The following TLE2 variants were observed in gnomAD, a reference collection of about 807,000 sequenced individuals.
The protein encoded by TLE2 is transducin-like enhancer protein 2.
In TLE2, 74 loss-of-function variants were observed where a neutral mutation model predicts 97.2. The ratio of observed to expected loss-of-function variants is 0.76; its 90% CI spans 0.63 to 0.92. The LOEUF (loss-of-function observed/expected upper bound fraction) is 0.92, where lower values mean the gene tolerates loss of function less well. Among genes scored for constraint, TLE2 ranks in the 40% least tolerant of loss-of-function variants. The pLI, the probability that TLE2 is intolerant of heterozygous loss-of-function variation, is 0.00. For synonymous variants in TLE2, 499 were observed against 432.1 expected (o/e 1.15, Z -1.92); for missense variants, 1,038 against 1,008.7 (o/e 1.03, Z -0.39).
rs750339877 is a variant in TLE2, at chr19:3,006,641, C to G, written c.1279G>C (p.Gly427Arg). The change falls in exon 15 of 20, where the codon GGG becomes CGG. Residue 427 changes from glycine (G) to arginine (R), a missense_variant. Gly to Arg is a moderately radical substitution (Grantham distance 125). Coordinates refer to ENST00000262953, the MANE Select transcript of TLE2 (RefSeq NM_003260.5). ...PAYSFHVSAD[G>R]QMQPVPFPSD... ...GGGAAGGGAACCGGCTGCATCTGCCCGTCCGCAGACACGTGGAAGGAGTAG... is the reference window on the plus strand; with the variant it reads ...GGGAAGGGAACCGGCTGCATCTGCCGGTCCGCAGACACGTGGAAGGAGTAG... The G allele has an allele frequency of 2.1e-5, 33 of 1,608,198 alleles. No individual in the cohort carries two copies. Among genetic ancestry groups the G allele is most frequent in the Non-Finnish European group, 2.7e-5 (32 of 1,176,888 alleles).
Position 3,019,326 on chromosome 19 carries a change from A to G in TLE2, c.507T>C (p.Ala169=). Residue 169 remains alanine, a synonymous_variant, in exon 7 of 20, where the codon GCT becomes GCC. Transcript: ENST00000262953. This position sits in a 1 kb window ranked among gnomAD's most constrained non-coding sequence, Gnocchi z 5.1. The part of the protein sequence containing the change: ...ALAAQAQLAA[A]VKEDRAGVEA... ...CCACGCCCGCACGGTCCTCCTTGAC[A>G]GCCGCCGCCAGCTGAGCCTGGGCAG... The G allele has an allele frequency of 6.4e-7, 1 of 1,573,336 alleles. No homozygotes were observed. Among genetic ancestry groups the G allele is most frequent in the Admixed American group, 1.8e-5 (1 of 56,388 alleles).
At chr19:3,025,330 G>A (rs1304784055) in intron 4 of TLE2, 11 of 1,278,034 alleles carry the variant, frequency 8.6e-6, no homozygotes, top group African/African-American at 1.5e-5. Context: ...GAGGTCCTAC[G>A]AGTCACAGAT....
At position 3,000,360 on chromosome 19, in the gene TLE2, C is replaced by G. The variant is rs111756954; in HGVS notation, c.2124+287G>C. On this transcript the variant is annotated intron_variant, in intron 19 of 19. Coordinates refer to ENST00000262953, the MANE Select transcript of TLE2 (RefSeq NM_003260.5). ...AAAGTGCTGGGATTACAGGCATGAG[C>G]GACCGTGCCCGGCTGGCAAATTTTA... Among the ~76,000 whole-genome samples the G allele has an allele frequency of 2.3e-3, 345 of 152,126 alleles. 2 individuals are homozygous for G. The highest frequency in any genetic ancestry group is 3.6e-3 in the Non-Finnish European group (242 of 68,004).
chr19:2,998,275 G>GTA (rs1555688628), intron 19 of TLE2, among the ~76,000 whole-genome samples: 2,680 of 110,302 alleles, frequency 0.024, 115 homozygotes, highest in African/African-American at 0.069. Flanking sequence ...GTGTGTGTGT[G>GTA]TAATTTTTTT....
upstream of TLE2, among the ~76,000 whole-genome samples, chr19:3,031,416 A>T (rs372500454): frequency 9.9e-5 from 15 of 151,418 alleles, no homozygotes; most frequent in East Asian, 2.7e-3. Context: ...ATTGCCCTCA[A>T]AATAAATCCA....
intron 5 of TLE2, among the ~76,000 whole-genome samples, chr19:3,023,651 C>A (rs1245626018): frequency 6.6e-6 from 1 of 152,100 alleles, no homozygotes. Flanking sequence ...ACCCAACACT[C>A]GGAGCCTGAC....
At chr19:3,025,188 G>A (rs1203365133) in intron 4 of TLE2, 106 bp from the exon 5 acceptor site, 16 of 1,233,310 alleles carry the variant, frequency 1.3e-5, no homozygotes, top group Non-Finnish European at 1.3e-5. Flanking sequence ...GGTTGGGGAG[G>A]TGACGCCCGC....
upstream of TLE2, among the ~76,000 whole-genome samples, chr19:3,032,083 G>A (rs550755810): frequency 6.7e-6 from 1 of 150,172 alleles, no homozygotes; most frequent in Non-Finnish European, 1.5e-5. The surrounding 1 kb of genome is among the most constrained non-coding windows in gnomAD (Gnocchi z 4.1). Flanking sequence ...GGCTCCCGCC[G>A]CCATGCCCAG....
At chr19:3,020,008 C>T (rs117510975) in intron 5 of TLE2, 30,132 of 582,898 alleles carry the variant, frequency 0.052, 936 homozygotes, top group Middle Eastern at 0.076. Flanking sequence ...TCAGGCCGGG[C>T]ATGGTGGCTC....
chr19:3,028,667 C>A (rs751581533), intron 2 of TLE2, 39 bp downstream of exon 2: 2 of 1,608,514 alleles, frequency 1.2e-6, no homozygotes. Context: ...CCCCGGCGCC[C>A]AGGTGAACTC....
chr19:3,045,386 G>A (rs542785612), intron 1 of TLE2, among the ~76,000 whole-genome samples: 2 of 152,300 alleles, frequency 1.3e-5, no homozygotes, highest in Non-Finnish European at 2.9e-5. Context: ...TACGGGGCAG[G>A]GGTCGTGAGC....
intron 4 of TLE2, among the ~76,000 whole-genome samples, chr19:3,026,592 T>TGAACCCTGAGGTCAATCTCA (rs144068393): frequency 5.4e-5 from 8 of 147,326 alleles, no homozygotes; most frequent in African/African-American, 2.1e-4. Context: ...GGTCTATCTC[T>TGAACCCTGAGGTCAATCTCA]GAACCCTGAG....
At chr19:3,013,911 T>G in intron 10 of TLE2, 93 bp from the exon 11 acceptor site, 52 of 1,207,494 alleles carry the variant, frequency 4.3e-5, no homozygotes, top group African/African-American at 6.2e-5. Flanking sequence ...CCCCAATCTC[T>G]AGAATGGGTA....
At chr19:3,014,175 C>T (rs1415576926) in intron 10 of TLE2, among the ~76,000 whole-genome samples, 1 of 152,128 alleles carries the variant, frequency 6.6e-6, no homozygotes, top group Non-Finnish European at 1.5e-5. Context: ...TCGCCTCAGC[C>T]TCCCAAAGTG....
chr19:2,998,251 G>C (rs1158681260), intron 19 of TLE2, among the ~76,000 whole-genome samples: 1 of 113,392 alleles, frequency 8.8e-6, no homozygotes, highest in South Asian at 2.4e-4. Flanking sequence ...GTGTGTGTGT[G>C]TGTGTGTGTG....
intron 8 of TLE2, among the ~76,000 whole-genome samples, chr19:3,016,549 C>T (rs1390045444): frequency 1.4e-5 from 2 of 147,110 alleles, no homozygotes; most frequent in Admixed American, 6.8e-5. Context: ...GAGATTGCAC[C>T]ACTGCGCTCC....
chr19:3,011,242 G>C (rs1392352291), intron 11 of TLE2, 82 bp from the exon 12 acceptor site: 1 of 1,444,016 alleles, frequency 6.9e-7, no homozygotes, highest in Non-Finnish European at 9.2e-7. Context: ...CTGGGGTTGG[G>C]GGCGGCCAGT....
intron 5 of TLE2, among the ~76,000 whole-genome samples, chr19:3,023,100 G>T (rs566609976): frequency 6.7e-6 from 1 of 150,362 alleles, no homozygotes; most frequent in East Asian, 1.9e-4. Flanking sequence ...TGTTGCCCAG[G>T]CTGGAGTGCA....
intron 1 of TLE2, among the ~76,000 whole-genome samples, chr19:3,042,980 ATTAAT>A (rs781667755): frequency 4.6e-5 from 7 of 151,942 alleles, no homozygotes; most frequent in Non-Finnish European, 8.8e-5. Flanking sequence ...CTAGTTTTTA[ATTAAT>A]TTATTTTTTA....
Sources: allele counts gnomAD v4.1 joint callset (sites outside exome capture counted in the v4.1 genomes callset), GRCh38; gene constraint gnomAD v4.1.1; non-coding constraint Gnocchi (gnomAD v3.1); transcripts MANE v1.5; gene names NCBI Gene and HGNC (gene_info 2026-07-23, HGNC 2026-07-21).